Variants in TNFRSF19 observed in about 807,000 individuals in gnomAD.
TNFRSF19 encodes TNF receptor superfamily member 19.
A neutral mutation model predicts 46.4 loss-of-function variants in TNFRSF19; 27 were observed. The ratio of observed to expected loss-of-function variants is 0.58; its 90% confidence interval spans 0.43 to 0.80. The LOEUF (loss-of-function observed/expected upper bound fraction) is 0.80. TNFRSF19 is among the 30% of genes least tolerant of loss of function. The pLI, the probability that TNFRSF19 is intolerant of heterozygous loss-of-function variation, is 0.00. For missense variants in TNFRSF19, 511 were observed against 530.8 expected (o/e 0.96, Z 0.37); for synonymous variants, 204 against 205.0 (o/e 1.00, Z 0.04).
At chr13:23,665,632 A>T (rs1232801290) in intron 7 of TNFRSF19, among the ~76,000 whole-genome samples, 1 of 152,056 alleles carries the variant, frequency 6.6e-6, no homozygotes, top group Non-Finnish European at 1.5e-5. Context: ...GTGTGTGTGT[A>T]TACTTGTTTT....
chr13:23,608,896 T>C (rs1880698187), intron 3 of TNFRSF19, among the ~76,000 whole-genome samples: 1 of 152,192 alleles, frequency 6.6e-6, no homozygotes, highest in South Asian at 2.1e-4. Context: ...CCTGTCCTTC[T>C]TCCTCTGAGC....
At chr13:23,663,134 T>G (rs950634768) in intron 7 of TNFRSF19, among the ~76,000 whole-genome samples, 1 of 152,230 alleles carries the variant, frequency 6.6e-6, no homozygotes, top group Non-Finnish European at 1.5e-5. Context: ...CCCCAGTCAG[T>G]ATGATGTTGG....
chr13:23,672,745 C>T (rs920500747), intron 9 of TNFRSF19, among the ~76,000 whole-genome samples: 2 of 152,170 alleles, frequency 1.3e-5, no homozygotes, highest in Admixed American at 1.3e-4. Context: ...TCACTTGTCC[C>T]CTTCCCGGCA....
At chr13:23,664,458 C>T (rs1951584003) in intron 7 of TNFRSF19, among the ~76,000 whole-genome samples, 1 of 152,040 alleles carries the variant, frequency 6.6e-6, no homozygotes. Flanking sequence ...ACCACCTTAC[C>T]TCCTCTGCAA....
At chr13:23,612,048 A>C (rs939270735) in intron 3 of TNFRSF19, among the ~76,000 whole-genome samples, 2 of 152,168 alleles carry the variant, frequency 1.3e-5, no homozygotes, top group African/African-American at 4.8e-5. Context: ...AGGAGCAGGG[A>C]TGGGAAGAAA....
Position 23,644,876 on chromosome 13 carries a change from A to G in TNFRSF19, c.446-14174A>G, listed in dbSNP as rs1883243095. Among the ~76,000 whole-genome samples the G allele has an allele frequency of 3.9e-5, 6 of 152,324 alleles. No homozygotes were observed. The South Asian group carries it at 6.2e-4, about 16-fold the overall frequency. ...GCGAAGTTTCAAAAGTAACATCAGA[A>G]TGATTCCTTAGGAAAAGGATGCAAA... On this transcript the variant is annotated intron_variant, in intron 5 of 9. Coordinates refer to ENST00000248484, the MANE Select transcript of TNFRSF19 (RefSeq NM_148957.4).
intron 1 of TNFRSF19, among the ~76,000 whole-genome samples, chr13:23,586,447 T>C (rs1489410837): frequency 6.6e-6 from 1 of 152,086 alleles, no homozygotes; most frequent in African/African-American, 2.4e-5. Context: ...GCAGGCATTG[T>C]AGAGGAAGGG....
At chr13:23,584,599 G>T (rs991379124) in intron 1 of TNFRSF19, among the ~76,000 whole-genome samples, 1 of 150,088 alleles carries the variant, frequency 6.7e-6, no homozygotes, top group Non-Finnish European at 1.5e-5. Flanking sequence ...CCAGTAGTGG[G>T]ATTGCTGGAT....
chr13:23,653,009 T>C (rs1883742886), intron 5 of TNFRSF19, among the ~76,000 whole-genome samples: 1 of 152,204 alleles, frequency 6.6e-6, no homozygotes, highest in Non-Finnish European at 1.5e-5. Flanking sequence ...CTAAGTAAGA[T>C]AGAAGTTTCT....
At chr13:23,649,894 T>A (rs1883536215) in intron 5 of TNFRSF19, among the ~76,000 whole-genome samples, 1 of 152,212 alleles carries the variant, frequency 6.6e-6, no homozygotes, top group Non-Finnish European at 1.5e-5. Context: ...CTAATTTTGT[T>A]CCTTTATGAT....
chr13:23,618,997 A>G (rs1424231679), intron 4 of TNFRSF19, among the ~76,000 whole-genome samples: 1 of 152,210 alleles, frequency 6.6e-6, no homozygotes, highest in Non-Finnish European at 1.5e-5. Context: ...CCCTCACCAG[A>G]CGCCAGATAC....
intron 5 of TNFRSF19, among the ~76,000 whole-genome samples, chr13:23,648,498 C>T (rs533300656): frequency 6.6e-5 from 10 of 151,596 alleles, no homozygotes; most frequent in African/African-American, 1.5e-4. Flanking sequence ...GAATCCTTAT[C>T]GTTTTCAACA....
chr13:23,670,580 G>T (rs534334939), intron 9 of TNFRSF19, among the ~76,000 whole-genome samples: 113 of 152,304 alleles, frequency 7.4e-4, no homozygotes, highest in African/African-American at 2.6e-3. Context: ...TTGTAAAATT[G>T]TTATGATAAT....
chr13:23,590,012 T>C, intron 1 of TNFRSF19, 138 bp from the exon 2 acceptor site: 1 of 400,586 alleles, frequency 2.5e-6, no homozygotes, highest in Non-Finnish European at 4.5e-6. Flanking sequence ...CTTTTTTCTT[T>C]TTTAAAGGTG....
At chr13:23,662,687 G>T (rs888521024) in intron 7 of TNFRSF19, among the ~76,000 whole-genome samples, 1 of 152,192 alleles carries the variant, frequency 6.6e-6, no homozygotes, top group East Asian at 1.9e-4. Context: ...ATTTGTCTGT[G>T]TCTTCTCTGA....
rs186819862 is a variant in TNFRSF19 at position 23,667,877 on chromosome 13, C to G, written c.737-103C>G. 273 of 990,108 alleles carry G rather than the reference C, an allele frequency of 2.8e-4. 2 individuals carry two copies. In the East Asian group the frequency reaches 6.4e-3, roughly 23 times the overall value. The allele number at this position is 990,108 out of a possible 1,614,324, so 61.3% of individuals were successfully genotyped here. On this transcript the variant is annotated intron_variant, in intron 7 of 9. Coordinates refer to ENST00000248484, the MANE Select transcript of TNFRSF19 (RefSeq NM_148957.4). ...TATTCCTTTTCCCCCAAAAGTCACC[C>G]AAAGGGAAACATCTAAATTTCCGAG...
chr13:23,571,484 C>G (rs1412315205), intron 1 of TNFRSF19, among the ~76,000 whole-genome samples: 3 of 152,120 alleles, frequency 2.0e-5, no homozygotes, highest in South Asian at 2.1e-4. Context: ...TAAAAATACT[C>G]CAGTGATTTT....
intron 1 of TNFRSF19, among the ~76,000 whole-genome samples, chr13:23,577,355 G>T (rs1878029767): frequency 6.6e-6 from 1 of 152,230 alleles, no homozygotes; most frequent in African/African-American, 2.4e-5. Flanking sequence ...AAGAACATTT[G>T]GTTGAAGTCA....
intron 3 of TNFRSF19, among the ~76,000 whole-genome samples, chr13:23,615,448 T>G (rs1881206832): frequency 6.6e-6 from 1 of 152,246 alleles, no homozygotes; most frequent in Non-Finnish European, 1.5e-5. Flanking sequence ...CTTATCCTCA[T>G]TTTTGAAAAT....
Sources: gnomAD v4.1 joint callset for allele counts (sites outside exome capture counted in the v4.1 genomes callset) on GRCh38, gnomAD v4.1.1 for gene constraint, MANE v1.5 for transcripts, NCBI Gene and HGNC (gene_info 2026-07-23, HGNC 2026-07-21) for gene names.